The following NR2C1 variants were observed in gnomAD, a reference collection of about 807,000 sequenced individuals.
The protein encoded by NR2C1 is nuclear receptor subfamily 2 group C member 1, also known as TR2 nuclear hormone receptor.
Under a neutral mutation model 74.8 loss-of-function variants are expected in NR2C1, and 33 were observed. The ratio of observed to expected loss-of-function variants is 0.44; its 90% CI spans 0.33 to 0.59. The LOEUF is 0.59. Among genes scored for constraint, NR2C1 ranks in the 20% least tolerant of loss-of-function variants. The pLI is 0.02. For missense variants in NR2C1, 568 were observed against 715.6 expected, an observed-to-expected ratio of 0.79 and a Z score of 2.35; for synonymous variants, 225 against 240.6, an observed-to-expected ratio of 0.94 and a Z score of 0.60.
At chr12:95,043,229 CCAG>C (rs1487641613) in intron 9 of NR2C1, among the ~76,000 whole-genome samples, 1 of 152,016 alleles carries the variant, frequency 6.6e-6, no homozygotes, top group African/African-American at 2.4e-5. Flanking sequence ...CCACTGAACT[CCAG>C]CCTGGGTGAC....
chr12:95,036,533 G>GTTATTT, intron 10 of NR2C1, among the ~76,000 whole-genome samples: 1 of 147,472 alleles, frequency 6.8e-6, no homozygotes. Flanking sequence ...TTTTTTGAAG[G>GTTATTT]AGAGTCTCAC....
intron 4 of NR2C1, 145 bp downstream of exon 4, chr12:95,059,761 T>C: frequency 5.1e-6 from 3 of 590,188 alleles, no homozygotes; most frequent in Non-Finnish European, 5.6e-6. Flanking sequence ...GCTACAAATA[T>C]GAACCATAAA....
At chr12:95,022,426 G>A in intron 13 of NR2C1, 23 bp from the exon 14 acceptor site, 1 of 1,584,686 alleles carries the variant, frequency 6.3e-7, no homozygotes, top group Non-Finnish European at 8.6e-7. Context: ...AGAAAAAAGG[G>A]AGAGGAACAA....
chr12:95,031,676 ATAG>A (rs1487084128), intron 10 of NR2C1, among the ~76,000 whole-genome samples, 188 bp from the exon 11 acceptor site: 4 of 152,234 alleles, frequency 2.6e-5, no homozygotes, highest in Admixed American at 1.3e-4. Flanking sequence ...AGGCATTTAA[ATAG>A]TAGCTAGCTC....
rs1207350181 is a variant in NR2C1, at chr12:95,049,685, C to G, written c.966-452G>C. 3.3e-5 allele frequency among the ~76,000 whole-genome samples: 5 copies of G among 151,880 alleles called. No homozygotes were observed. In the South Asian group the frequency reaches 1.0e-3, roughly 32 times the overall value. ...TATATGATACTACAAGACTATCAGC[C>G]TATTTATTTTGTATACAAAAGTTAC... On this transcript the variant is annotated intron_variant, in intron 8 of 13. Transcript: ENST00000333003.
chr12:95,069,022 G>T (rs1369878450), intron 1 of NR2C1, among the ~76,000 whole-genome samples: 1 of 151,944 alleles, frequency 6.6e-6, no homozygotes, highest in Non-Finnish European at 1.5e-5. Flanking sequence ...GAAAGAAAAT[G>T]GATCCAATAA....
intron 2 of NR2C1, among the ~76,000 whole-genome samples, chr12:95,066,459 A>G (rs190515857): frequency 3.9e-5 from 6 of 152,330 alleles, no homozygotes; most frequent in Non-Finnish European, 7.3e-5. Flanking sequence ...TATATATGTT[A>G]AAGAAAATTC....
At chr12:95,047,120 C>T (rs181582322) in intron 9 of NR2C1, among the ~76,000 whole-genome samples, 7 of 152,286 alleles carry the variant, frequency 4.6e-5, no homozygotes, top group African/African-American at 1.2e-4. Context: ...TGGTCCTTTT[C>T]CCTCACAATG....
intron 9 of NR2C1, among the ~76,000 whole-genome samples, chr12:95,046,321 T>C (rs572683248): frequency 1.3e-5 from 2 of 152,328 alleles, no homozygotes; most frequent in Admixed American, 6.5e-5. Flanking sequence ...TATGGTGGGT[T>C]ACACTTGTAA....
rs919885369 is a variant in NR2C1 at position 95,050,129 on chromosome 12, T to C, written c.966-896A>G. Among the ~76,000 whole-genome samples the C allele has an allele frequency of 1.1e-4, 16 of 152,156 alleles. 1 individual carries two copies. The highest frequency in any genetic ancestry group is 3.6e-4 in the African/African-American group (15 of 41,430). On this transcript the variant is annotated intron_variant, in intron 8 of 13. Transcript: ENST00000333003. ...GAGTATTTTAAAATGTGTGGTCACA[T>C]AGCTAAATCTAAACTGTAACAATTT... is the stretch of plus-strand genomic sequence containing the variant.
intron 7 of NR2C1, among the ~76,000 whole-genome samples, chr12:95,054,574 G>C (rs1304447361): frequency 1.3e-5 from 2 of 151,964 alleles, no homozygotes; most frequent in African/African-American, 4.8e-5. Context: ...GAGCTGCTGG[G>C]ATACAGGCTT....
chr12:95,022,447 CAGAA>C, intron 13 of NR2C1, 44 bp from the exon 14 acceptor site: 1 of 1,472,186 alleles, frequency 6.8e-7, no homozygotes, highest in Non-Finnish European at 9.2e-7. Context: ...GGTTGTAAAC[CAGAA>C]AGAAATTTAG....
At chr12:95,062,281 G>A (rs909664681) in intron 3 of NR2C1, among the ~76,000 whole-genome samples, 2 of 152,176 alleles carry the variant, frequency 1.3e-5, no homozygotes, top group Non-Finnish European at 2.9e-5. Context: ...ACAATAGCCA[G>A]AGTGGATCTT....
chr12:95,053,283 T>G (rs1157938886), intron 7 of NR2C1, among the ~76,000 whole-genome samples: 2 of 152,000 alleles, frequency 1.3e-5, no homozygotes, highest in African/African-American at 4.8e-5. Context: ...TTGTCTTCAT[T>G]TTTTTAATGT....
intron 4 of NR2C1, 105 bp downstream of exon 4, chr12:95,059,801 C>G: frequency 1.3e-6 from 1 of 762,686 alleles, no homozygotes; most frequent in Non-Finnish European, 2.0e-6. Flanking sequence ...TCTCTTCTTA[C>G]TTTTAGTAGA....
chr12:95,036,814 A>G (rs1279629621), intron 10 of NR2C1, among the ~76,000 whole-genome samples: 6 of 152,152 alleles, frequency 3.9e-5, no homozygotes, highest in Non-Finnish European at 7.4e-5. Flanking sequence ...CCTGGCCTAT[A>G]TTGTTAACAT....
At chr12:95,038,689 T>C (rs1414772467) in intron 10 of NR2C1, among the ~76,000 whole-genome samples, 1 of 152,076 alleles carries the variant, frequency 6.6e-6, no homozygotes, top group African/African-American at 2.4e-5. Context: ...AACTGAGAGG[T>C]GGAGATTGCA....
Position 95,022,375 on chromosome 12 carries a change from C to T in NR2C1, c.1666G>A (p.Ala556Thr). 1.9e-6 allele frequency: 3 copies of T among 1,612,668 alleles called. No individual in the cohort carries two copies. The highest frequency in any genetic ancestry group is 2.5e-6 in the Non-Finnish European group (3 of 1,179,746). ...ATGGTAGCATTCATCAGTCTTAAAG[C>T]TGGCAATCTGAGTAGTAGTCTGGAT... is the stretch of plus-strand genomic sequence containing the variant. The part of the protein sequence containing the change: ...RLSRLLLRLP[A>T]LRLMNATITE... The change falls in exon 14 of 14, where the codon GCT becomes ACT. Residue 556 changes from alanine to threonine, a missense_variant. This residue lies in a region of NR2C1 where 117 missense variants were observed against 186.7 expected (regional missense o/e 0.63). Coordinates refer to ENST00000333003, the MANE Select transcript of NR2C1 (RefSeq NM_003297.4).
intron 11 of NR2C1, chr12:95,030,725 T>C (rs1869987926): frequency 6.2e-7 from 1 of 1,603,388 alleles, no homozygotes; most frequent in Admixed American, 1.7e-5. Flanking sequence ...CCCCAATTTA[T>C]AAATTATTCC....
Sources: allele counts gnomAD v4.1 joint callset (sites outside exome capture counted in the v4.1 genomes callset), GRCh38; gene constraint gnomAD v4.1.1; regional missense constraint gnomAD v4.1.1; transcripts MANE v1.5; gene names NCBI Gene and HGNC (gene_info 2026-07-23, HGNC 2026-07-21).